The following DPP10 variants were observed in gnomAD, a reference collection of about 807,000 sequenced individuals.
DPP10 encodes dipeptidyl peptidase like 10.
DPP10 carries 33 observed loss-of-function variants against 120.9 expected under a neutral mutation model. That is an observed-to-expected ratio of 0.27 (90% CI 0.21 to 0.37). The LOEUF (loss-of-function observed/expected upper bound fraction) is 0.37. Ranked by LOEUF, DPP10 falls within the 10% of genes least tolerant of loss-of-function variation. DPP10 has a pLI of 1.00. For synonymous variants in DPP10, 337 were observed against 326.1 expected (o/e 1.03, Z -0.36); for missense variants, 816 against 942.8 (o/e 0.87, Z 1.76).
At chr2:115,500,484 G>A (rs377455870) in intron 4 of DPP10, among the ~76,000 whole-genome samples, 5 of 151,690 alleles carry the variant, frequency 3.3e-5, no homozygotes, top group East Asian at 1.9e-4. Flanking sequence ...TTTAATCTTC[G>A]TATTTATTAT....
intron 1 of DPP10, among the ~76,000 whole-genome samples, chr2:115,211,919 A>C (rs1028176647): frequency 6.6e-6 from 1 of 152,142 alleles, no homozygotes; most frequent in African/African-American, 2.4e-5. Context: ...AAGCTATTTG[A>C]TGCTGTGACT....
chr2:115,116,825 TC>T (rs2049534255), intron 1 of DPP10, among the ~76,000 whole-genome samples: 1 of 152,236 alleles, frequency 6.6e-6, no homozygotes, highest in South Asian at 2.1e-4. Flanking sequence ...TACAATCTTT[TC>T]CTCTTGTATT....
Position 114,754,771 on chromosome 2 carries a change from G to A in DPP10, c.60+311933G>A, listed in dbSNP as rs537324386. Among the ~76,000 whole-genome samples the A allele has an allele frequency of 2.6e-5, 4 of 152,302 alleles. No individual in the cohort carries two copies. In the South Asian group the frequency reaches 8.3e-4, roughly 32 times the overall value. On this transcript the variant is annotated intron_variant, in intron 1 of 25. Coordinates refer to ENST00000410059, the MANE Select transcript of DPP10 (RefSeq NM_020868.6). ...ATTGATTTTTCTCAGGAACAATTAGGAAGCAATTAACAAACAATTAACCAG... is the reference window on the plus strand; with the variant it reads ...ATTGATTTTTCTCAGGAACAATTAGAAAGCAATTAACAAACAATTAACCAG...
intron 19 of DPP10, among the ~76,000 whole-genome samples, chr2:115,795,500 T>TCCTGGAGCTCCTTCCTGGAGC (rs1684437185): frequency 1.3e-5 from 2 of 152,186 alleles, no homozygotes; most frequent in African/African-American, 4.8e-5. Flanking sequence ...TGGAGCTTTC[T>TCCTGGAGCTCCTTCCTGGAGC]TCCATTCTCC....
chr2:115,385,470 C>T (rs2066865177), intron 3 of DPP10, among the ~76,000 whole-genome samples: 1 of 152,058 alleles, frequency 6.6e-6, no homozygotes, highest in Admixed American at 6.5e-5. Flanking sequence ...ATTCTCCTGC[C>T]CCAGCCTCCT....
chr2:114,813,860 C>G (rs1391558244), intron 1 of DPP10, among the ~76,000 whole-genome samples: 1 of 150,374 alleles, frequency 6.7e-6, no homozygotes, highest in Non-Finnish European at 1.5e-5. Flanking sequence ...TAAATATTTC[C>G]CTAGTAACAA....
At chr2:115,214,014 A>G (rs1421140787) in intron 1 of DPP10, among the ~76,000 whole-genome samples, 1 of 152,196 alleles carries the variant, frequency 6.6e-6, no homozygotes, top group African/African-American at 2.4e-5. Context: ...ATTTTTATAA[A>G]TCTTTAATAT....
intron 5 of DPP10, among the ~76,000 whole-genome samples, chr2:115,610,987 A>G (rs1431854958): frequency 2.6e-5 from 4 of 152,166 alleles, no homozygotes; most frequent in Non-Finnish European, 5.9e-5. Context: ...ATCTTAAGAC[A>G]CAGTTGTTTC....
chr2:115,822,138 C>T (rs1452533672), intron 21 of DPP10, among the ~76,000 whole-genome samples: 2 of 151,908 alleles, frequency 1.3e-5, no homozygotes, highest in Non-Finnish European at 2.9e-5. Context: ...GACACCTTTT[C>T]ATGTGTTTAT....
intron 1 of DPP10, among the ~76,000 whole-genome samples, chr2:114,646,058 G>A (rs549154619): frequency 6.6e-6 from 1 of 152,138 alleles, no homozygotes; most frequent in African/African-American, 2.4e-5. Flanking sequence ...TACTCAGGAG[G>A]CCGAGGCAGG....
At chr2:115,536,388 T>C (rs2078842332) in intron 5 of DPP10, among the ~76,000 whole-genome samples, 1 of 152,016 alleles carries the variant, frequency 6.6e-6, no homozygotes, top group Non-Finnish European at 1.5e-5. Context: ...TCATAATTTA[T>C]TCAACTCAAT....
chr2:115,107,422 C>CTTTTTTTTT (rs59046305), intron 1 of DPP10, among the ~76,000 whole-genome samples: 1 of 59,868 alleles, frequency 1.7e-5, no homozygotes, highest in Non-Finnish European at 2.9e-5. Flanking sequence ...TTGGTTATAG[C>CTTTTTTTTT]TTTTTTTTTT....
chr2:115,468,038 T>C (rs377355875), intron 3 of DPP10: 13 of 369,164 alleles, frequency 3.5e-5, no homozygotes, highest in East Asian at 1.4e-4. Flanking sequence ...CGCTGTAACT[T>C]AAAGGGAAGC....
chr2:115,375,011 T>C (rs2065681843), intron 3 of DPP10, among the ~76,000 whole-genome samples: 1 of 152,252 alleles, frequency 6.6e-6, no homozygotes, highest in Non-Finnish European at 1.5e-5. Flanking sequence ...AACATTTGGC[T>C]TCTCTTCACT....
chr2:114,917,731 T>G (rs950238800), intron 1 of DPP10, among the ~76,000 whole-genome samples: 1 of 152,030 alleles, frequency 6.6e-6, no homozygotes, highest in African/African-American at 2.4e-5. Context: ...AAATAAACGG[T>G]GCTGGTATAA....
At chr2:114,581,173 CTTTTTTTTTTTTTT>C (rs70937291) in intron 1 of DPP10, among the ~76,000 whole-genome samples, 3 of 77,900 alleles carry the variant, frequency 3.9e-5, no homozygotes, top group African/African-American at 1.5e-4. Context: ...TTTTTCTTCT[CTTTTTTTTTTTTTT>C]TTTTTTTTTT....
chr2:114,760,943 ATAAG>A (rs1426650403), intron 1 of DPP10, among the ~76,000 whole-genome samples: 1 of 152,226 alleles, frequency 6.6e-6, no homozygotes, highest in Non-Finnish European at 1.5e-5. Flanking sequence ...GTTTTGAAAA[ATAAG>A]TAAAGTAAGG....
intron 1 of DPP10, among the ~76,000 whole-genome samples, chr2:115,259,422 T>G (rs1048137388): frequency 2.7e-5 from 4 of 150,444 alleles, no homozygotes; most frequent in East Asian, 2.0e-4. Context: ...AGGCGGAGGT[T>G]GCAGTGAGCC....
At chr2:114,581,359 A>G (rs996905308) in intron 1 of DPP10, among the ~76,000 whole-genome samples, 3 of 151,286 alleles carry the variant, frequency 2.0e-5, no homozygotes, top group African/African-American at 7.3e-5. Flanking sequence ...AACTTTTTGT[A>G]TTTTTAGTAG....
Sources: allele counts gnomAD v4.1 joint callset (sites outside exome capture counted in the v4.1 genomes callset), GRCh38; gene constraint gnomAD v4.1.1; transcripts MANE v1.5; gene names NCBI Gene and HGNC (gene_info 2026-07-23, HGNC 2026-07-21).